Variants in CNTN5 observed in about 807,000 individuals in gnomAD.
CNTN5 encodes contactin 5.
Under a neutral mutation model 129.1 loss-of-function variants are expected in CNTN5, and 77 were observed. The observed-to-expected ratio is 0.60, with a 90% CI of 0.50 to 0.72. CNTN5 has a LOEUF of 0.72. CNTN5 is among the 30% of genes least tolerant of loss of function. CNTN5 has a pLI of 0.00. For missense variants in CNTN5, 1,478 were observed against 1,328.8 expected, an observed-to-expected ratio of 1.11 and a Z score of -1.75; for synonymous variants, 509 against 465.6, an observed-to-expected ratio of 1.09 and a Z score of -1.20.
At position 99,644,946 on chromosome 11, in the gene CNTN5, T is replaced by G. The variant is rs559630771; in HGVS notation, c.55+88677T>G. Among the ~76,000 whole-genome samples, 17 of 151,690 alleles carry G rather than the reference T, an allele frequency of 1.1e-4. 1 individual carries two copies. The South Asian group carries it at 3.5e-3, about 32-fold the overall frequency. ...AGAAACTGTTTCCAAACTTTAACAT[T>G]AAGAAACAAACAAAAAGATATGAAA... is the stretch of plus-strand genomic sequence containing the variant. On this transcript the variant is annotated intron_variant, in intron 3 of 24. Coordinates refer to ENST00000524871, the MANE Select transcript of CNTN5 (RefSeq NM_014361.4).
intron 18 of CNTN5, among the ~76,000 whole-genome samples, chr11:100,272,429 A>C (rs1168620886): frequency 6.6e-6 from 1 of 152,182 alleles, no homozygotes; most frequent in Admixed American, 6.5e-5. Flanking sequence ...GCTTATAATC[A>C]TTAAAATAAA....
chr11:99,096,469 A>G (rs934688741), intron 1 of CNTN5, among the ~76,000 whole-genome samples: 1 of 151,868 alleles, frequency 6.6e-6, no homozygotes, highest in Non-Finnish European at 1.5e-5. Context: ...TTAACTAGAA[A>G]CATGCAGAAT....
At chr11:99,900,907 G>A (rs916854093) in intron 6 of CNTN5, among the ~76,000 whole-genome samples, 1 of 151,870 alleles carries the variant, frequency 6.6e-6, no homozygotes, top group African/African-American at 2.4e-5. Flanking sequence ...TGTCTCTAAA[G>A]CTTTATATGT....
chr11:99,794,023 T>G (rs1945846009), intron 3 of CNTN5, among the ~76,000 whole-genome samples: 1 of 152,220 alleles, frequency 6.6e-6, no homozygotes, highest in South Asian at 2.1e-4. Context: ...TGTTGTAGTC[T>G]TCCATTATTA....
chr11:99,261,393 T>A (rs147822211), intron 1 of CNTN5, among the ~76,000 whole-genome samples: 17 of 152,208 alleles, frequency 1.1e-4, no homozygotes, highest in African/African-American at 3.8e-4. Flanking sequence ...CATTGATTGT[T>A]TAAAATGTTT....
intron 2 of CNTN5, among the ~76,000 whole-genome samples, chr11:99,331,366 A>G (rs1242641685): frequency 6.6e-6 from 1 of 152,158 alleles, no homozygotes; most frequent in Admixed American, 6.6e-5. Flanking sequence ...ACAATAAATA[A>G]ATTAAAATAA....
intron 1 of CNTN5, among the ~76,000 whole-genome samples, chr11:99,168,691 A>G (rs1322585741): frequency 2.6e-5 from 4 of 152,212 alleles, no homozygotes; most frequent in Non-Finnish European, 1.5e-5. Context: ...GTATTTTTTC[A>G]CTGAATTATC....
chr11:100,341,047 G>A, intron 22 of CNTN5, 46 bp from the exon 23 acceptor site: 7 of 1,293,306 alleles, frequency 5.4e-6, no homozygotes, highest in Non-Finnish European at 7.9e-6. Flanking sequence ...ATGAAGAAAT[G>A]TATTTAAGAA....
chr11:99,980,498 G>C (rs1184147443), intron 8 of CNTN5, among the ~76,000 whole-genome samples: 1 of 152,170 alleles, frequency 6.6e-6, no homozygotes, highest in African/African-American at 2.4e-5. Flanking sequence ...CCCTGCTTCT[G>C]AGATGCTTCT....
intron 1 of CNTN5, among the ~76,000 whole-genome samples, chr11:99,282,216 CA>C (rs1298305798): frequency 1.3e-5 from 2 of 151,856 alleles, no homozygotes; most frequent in East Asian, 3.9e-4. Flanking sequence ...CAAACAAGAA[CA>C]TAAACATCCA....
intron 20 of CNTN5, among the ~76,000 whole-genome samples, chr11:100,307,217 G>C (rs910762871): frequency 6.6e-6 from 1 of 151,160 alleles, no homozygotes; most frequent in Non-Finnish European, 1.5e-5. Flanking sequence ...CTCAATCTTT[G>C]CTATATGGTT....
At chr11:99,219,923 G>A (rs184811058) in intron 1 of CNTN5, among the ~76,000 whole-genome samples, 42 of 152,008 alleles carry the variant, frequency 2.8e-4, no homozygotes, top group Non-Finnish European at 5.5e-4. Context: ...GCAGGCTTCT[G>A]TATTTCTGTA....
At chr11:99,066,601 G>A (rs12419466) in intron 1 of CNTN5, among the ~76,000 whole-genome samples, 4,116 of 152,126 alleles carry the variant, frequency 0.027, 89 homozygotes, top group East Asian at 0.059. Context: ...ACCCAACATG[G>A]ATGAGATGTG....
chr11:100,250,082 C>T (rs1949933526), intron 16 of CNTN5, among the ~76,000 whole-genome samples: 1 of 151,954 alleles, frequency 6.6e-6, no homozygotes, highest in South Asian at 2.1e-4. Flanking sequence ...GAAAAGTTAG[C>T]TGTCCAGAGG....
intron 21 of CNTN5, among the ~76,000 whole-genome samples, chr11:100,317,200 C>A (rs530848497): frequency 6.6e-6 from 1 of 152,254 alleles, no homozygotes; most frequent in East Asian, 1.9e-4. Flanking sequence ...TGACTCTAAT[C>A]ATTAGAGAAG....
chr11:99,163,760 T>C (rs1860734050), intron 1 of CNTN5, among the ~76,000 whole-genome samples: 1 of 152,164 alleles, frequency 6.6e-6, no homozygotes, highest in African/African-American at 2.4e-5. Flanking sequence ...CTGTGTACAG[T>C]TCATTAGCCG....
chr11:99,834,758 A>G (rs905707865), intron 4 of CNTN5, among the ~76,000 whole-genome samples: 1 of 152,094 alleles, frequency 6.6e-6, no homozygotes, highest in Non-Finnish European at 1.5e-5. Flanking sequence ...ACTAAGATAG[A>G]TGGGGTTACT....
chr11:99,783,412 C>T (rs1489736079), intron 3 of CNTN5, among the ~76,000 whole-genome samples: 2 of 35,616 alleles, frequency 5.6e-5, no homozygotes, highest in African/African-American at 2.3e-4. Context: ...GTCAGTGTGG[C>T]GATTCCTCAG....
chr11:99,896,742 A>G (rs1052680094), intron 6 of CNTN5, among the ~76,000 whole-genome samples: 5 of 152,160 alleles, frequency 3.3e-5, no homozygotes, highest in Admixed American at 6.5e-5. Context: ...TGAAATTTAG[A>G]ACTCCTTGTG....
Sources: allele counts gnomAD v4.1 joint callset (sites outside exome capture counted in the v4.1 genomes callset), GRCh38; gene constraint gnomAD v4.1.1; transcripts MANE v1.5; gene names NCBI Gene and HGNC (gene_info 2026-07-23, HGNC 2026-07-21).